The following PRKDC variants were observed in gnomAD, a reference collection of about 807,000 sequenced individuals.
The protein encoded by PRKDC is protein kinase, DNA-activated, catalytic subunit.
A neutral mutation model predicts 486.9 loss-of-function variants in PRKDC; 82 were observed. The observed-to-expected ratio is 0.17, with a 90% CI of 0.14 to 0.20. The LOEUF is 0.20. PRKDC is among the 10% of genes least tolerant of loss of function. PRKDC has a pLI of 1.00. For synonymous variants in PRKDC, 1,895 were observed against 1,837.0 expected, an observed-to-expected ratio of 1.03 and a Z score of -0.81; for missense variants, 4,504 against 5,038.2, an observed-to-expected ratio of 0.89 and a Z score of 3.21.
At chr8:47,792,420 G>A (rs777861499) in intron 74 of PRKDC, among the ~76,000 whole-genome samples, 4 of 151,786 alleles carry the variant, frequency 2.6e-5, no homozygotes, top group Non-Finnish European at 4.4e-5. Flanking sequence ...CACCATGCCC[G>A]GCTAATTTTT....
intron 56 of PRKDC, 62 bp from the exon 57 acceptor site, chr8:47,837,481 G>C: frequency 7.5e-7 from 1 of 1,332,408 alleles, no homozygotes; most frequent in Non-Finnish European, 1.1e-6. Context: ...AGAATGTGCT[G>C]TACAGGGTGT....
At chr8:47,868,633 G>T (rs982048978) in intron 40 of PRKDC, among the ~76,000 whole-genome samples, 2 of 152,074 alleles carry the variant, frequency 1.3e-5, no homozygotes, top group African/African-American at 4.8e-5. Context: ...CTAAATAGAA[G>T]CCTCCAGTGA....
Position 47,776,807 on chromosome 8 carries a change from G to A in PRKDC, c.12182+37C>T, listed in dbSNP as rs777781897. On this transcript the variant is annotated intron_variant, in intron 85 of 85. Coordinates refer to ENST00000314191, the MANE Select transcript of PRKDC (RefSeq NM_006904.7). ...CTCCTCGAGAAACAGTAGCATGTCG[G>A]TAGTCCGTTAGTTTTTTCCACATAT... 3 of 1,610,738 alleles carry A rather than the reference G, an allele frequency of 1.9e-6. No individual in the cohort carries two copies. In the East Asian group the frequency reaches 6.7e-5, roughly 36 times the overall value.
chr8:47,858,423 A>G, intron 48 of PRKDC, 93 bp downstream of exon 48: 4 of 1,213,472 alleles, frequency 3.3e-6, no homozygotes, highest in Non-Finnish European at 4.4e-6. Flanking sequence ...GTTTTTAAGT[A>G]TATTCATAGA....
intron 68 of PRKDC, among the ~76,000 whole-genome samples, chr8:47,812,283 C>A (rs2087346204): frequency 6.6e-6 from 1 of 152,310 alleles, no homozygotes; most frequent in East Asian, 1.9e-4. Context: ...CTACCTTGAT[C>A]TCATTGAAAT....
At chr8:47,900,351 A>T (rs749804556) in intron 28 of PRKDC, 22 bp downstream of exon 28, 4 of 1,577,222 alleles carry the variant, frequency 2.5e-6, no homozygotes, top group Non-Finnish European at 2.6e-6. Context: ...TAACGCACAC[A>T]GAACACTGAA....
At chr8:47,809,097 G>A (rs1336187157) in intron 68 of PRKDC, among the ~76,000 whole-genome samples, 18 of 149,832 alleles carry the variant, frequency 1.2e-4, no homozygotes, top group Admixed American at 1.1e-3. Flanking sequence ...GGAGAGGGGA[G>A]GGGAGTGCAG....
At chr8:47,880,449 G>A (rs2089189595) in intron 38 of PRKDC, among the ~76,000 whole-genome samples, 1 of 152,182 alleles carries the variant, frequency 6.6e-6, no homozygotes, top group East Asian at 1.9e-4. Flanking sequence ...GGAGAAATGG[G>A]AAACTTGATT....
At chr8:47,911,966 T>A (rs2089912158) in intron 25 of PRKDC, among the ~76,000 whole-genome samples, 1 of 151,914 alleles carries the variant, frequency 6.6e-6, no homozygotes, top group Non-Finnish European at 1.5e-5. Flanking sequence ...GACGGGGGTT[T>A]TATCATGTTG....
At position 47,837,434 on chromosome 8, in the gene PRKDC, G is replaced by GA. The variant is rs768445768; in HGVS notation, c.7554-16dup. The GA allele has an allele frequency of 6.4e-7, 1 of 1,564,826 alleles. No homozygotes were observed. The highest frequency in any genetic ancestry group is 2.2e-5 in the East Asian group (1 of 44,612). On this transcript the variant is annotated splice_polypyrimidine_tract_variant and intron_variant, in intron 56 of 85. Coordinates refer to ENST00000314191, the MANE Select transcript of PRKDC (RefSeq NM_006904.7). Reference sequence around the variant, plus strand: ...GAATAATTAATCTGAAAAGCAAAGAGAAAAAAGTATATTGCTTAGACAATG... The same window carrying GA: ...GAATAATTAATCTGAAAAGCAAAGAGAAAAAAAGTATATTGCTTAGACAATG...
In PRKDC at chr8:47,861,984, A is replaced by G. The variant is rs148638905; in HGVS notation, c.5985+78T>C. Reference sequence around the variant, plus strand: ...TTGAAAGCCGACTTGAATATTGGCAACTTAACGTGTTTGACATAATATGGT... The same window carrying G: ...TTGAAAGCCGACTTGAATATTGGCAGCTTAACGTGTTTGACATAATATGGT... On this transcript the variant is annotated intron_variant, in intron 44 of 85. Coordinates refer to ENST00000314191, the MANE Select transcript of PRKDC (RefSeq NM_006904.7). The G allele has an allele frequency of 4.2e-5, 50 of 1,187,440 alleles. 3 individuals carry two copies. The African/African-American group carries it at 6.8e-4, about 16-fold the overall frequency. 73.6% of individuals were successfully genotyped at this position (1,187,440 alleles called of 1,614,324 possible).
At chr8:47,834,925 C>T (rs540739641) in intron 58 of PRKDC, among the ~76,000 whole-genome samples, 7 of 151,912 alleles carry the variant, frequency 4.6e-5, no homozygotes, top group South Asian at 2.1e-4. Context: ...CTCCTGACCT[C>T]GTGATCCGCC....
intron 7 of PRKDC, among the ~76,000 whole-genome samples, chr8:47,951,770 TCAAA>T (rs2090629231): frequency 6.6e-6 from 1 of 151,168 alleles, no homozygotes. Context: ...CAACAAAAAG[TCAAA>T]CAAACCAATT....
chr8:47,836,267 C>A, intron 58 of PRKDC, 71 bp downstream of exon 58: 1 of 1,359,106 alleles, frequency 7.4e-7, no homozygotes. Context: ...AAGCCCAACA[C>A]TGTTGTGACA....
At chr8:47,800,500 C>G (rs935718830) in intron 71 of PRKDC, among the ~76,000 whole-genome samples, 1 of 151,694 alleles carries the variant, frequency 6.6e-6, no homozygotes. Flanking sequence ...GGAGATATAC[C>G]TAATGCTAAA....
chr8:47,846,913 G>A (rs1355809074), intron 54 of PRKDC, among the ~76,000 whole-genome samples: 1 of 152,032 alleles, frequency 6.6e-6, no homozygotes, highest in African/African-American at 2.4e-5. Flanking sequence ...CAATAGCAAA[G>A]AAAAGAATAA....
chr8:47,897,020 CTCA>C, intron 30 of PRKDC, 138 bp downstream of exon 30: 1 of 942,628 alleles, frequency 1.1e-6, no homozygotes, highest in Non-Finnish European at 1.5e-6. Flanking sequence ...ACTGCATTAC[CTCA>C]TCAACTGTTA....
intron 40 of PRKDC, among the ~76,000 whole-genome samples, chr8:47,867,938 T>C (rs956899888): frequency 3.3e-5 from 5 of 152,338 alleles, no homozygotes; most frequent in African/African-American, 1.2e-4. Flanking sequence ...CTGCATCTAC[T>C]GAAATTATAA....
intron 25 of PRKDC, among the ~76,000 whole-genome samples, chr8:47,907,533 C>CT (rs1028272336): frequency 0.013 from 1,740 of 133,144 alleles, 42 homozygotes; most frequent in Non-Finnish European, 0.018. Context: ...ATTTATATAC[C>CT]TTTTTTTTTT....
Sources: allele counts gnomAD v4.1 joint callset (sites outside exome capture counted in the v4.1 genomes callset), GRCh38; gene constraint gnomAD v4.1.1; transcripts MANE v1.5; gene names NCBI Gene and HGNC (gene_info 2026-07-23, HGNC 2026-07-21).